EFCAB6: variants seen among roughly 807,000 people sequenced by gnomAD.
EFCAB6 encodes the protein EF-hand calcium binding domain 6, also known as EF-hand calcium-binding domain-containing protein 6.
A neutral mutation model predicts 169.8 loss-of-function variants in EFCAB6; 156 were observed. The observed-to-expected ratio is 0.92, with a 90% CI of 0.81 to 1.05. The LOEUF is 1.05. EFCAB6 is among the 50% of genes least tolerant of loss of function. EFCAB6 has a pLI of 0.00. For synonymous variants in EFCAB6, 698 were observed against 676.4 expected, an observed-to-expected ratio of 1.03 and a Z score of -0.50; for missense variants, 1,800 against 1,829.1, an observed-to-expected ratio of 0.98 and a Z score of 0.29.
chr22:43,732,280 G>A (rs2059981304), intron 7 of EFCAB6, among the ~76,000 whole-genome samples: 1 of 152,154 alleles, frequency 6.6e-6, no homozygotes, highest in Admixed American at 6.5e-5. Context: ...CAGCAGAGAT[G>A]ATCTCGACTG....
At chr22:43,762,505 C>T (rs1286347382) in intron 5 of EFCAB6, among the ~76,000 whole-genome samples, 5 of 152,236 alleles carry the variant, frequency 3.3e-5, no homozygotes, top group South Asian at 2.1e-4. Context: ...TTAAAATGTA[C>T]GTACATATTT....
At position 43,638,646 on chromosome 22, in the gene EFCAB6, T is replaced by C. The variant is rs141018506; in HGVS notation, c.1984-3430A>G. ...GTGTGTGACACTTGTTTGCTATGTC[T>C]CTTTGCAGCACTTTTTTGGTGGTTT... On this transcript the variant is annotated intron_variant, in intron 17 of 31. Coordinates refer to ENST00000262726, the MANE Select transcript of EFCAB6 (RefSeq NM_022785.4). Among the ~76,000 whole-genome samples the C allele has an allele frequency of 3.2e-3, 494 of 152,334 alleles. 1 individual carries two copies. The highest frequency in any genetic ancestry group is 0.011 in the African/African-American group (475 of 41,584).
At chr22:43,574,410 G>T (rs1168744359) in intron 26 of EFCAB6, among the ~76,000 whole-genome samples, 1 of 152,082 alleles carries the variant, frequency 6.6e-6, no homozygotes, top group Non-Finnish European at 1.5e-5. Flanking sequence ...AGCTCAGGTG[G>T]CTACATGACT....
chr22:43,596,888 G>A (rs892487251), intron 23 of EFCAB6, among the ~76,000 whole-genome samples: 1 of 152,118 alleles, frequency 6.6e-6, no homozygotes, highest in African/African-American at 2.4e-5. Context: ...GCATTGTACT[G>A]GCATAAAAGC....
intron 7 of EFCAB6, among the ~76,000 whole-genome samples, chr22:43,734,995 G>A (rs1004398905): frequency 2.0e-5 from 3 of 152,162 alleles, no homozygotes; most frequent in East Asian, 1.9e-4. Flanking sequence ...AATGAGGCTT[G>A]GTGCTTTTGT....
intron 18 of EFCAB6, among the ~76,000 whole-genome samples, chr22:43,634,466 C>T (rs574730703): frequency 6.6e-6 from 1 of 152,290 alleles, no homozygotes; most frequent in South Asian, 2.1e-4. Flanking sequence ...ATGCACAGGG[C>T]TCCTGCATTC....
chr22:43,596,639 T>C (rs1045112459), intron 23 of EFCAB6, among the ~76,000 whole-genome samples: 2 of 152,212 alleles, frequency 1.3e-5, no homozygotes, highest in South Asian at 2.1e-4. Flanking sequence ...TGCTCATGGA[T>C]TGAAAGAATT....
At chr22:43,548,027 C>T (rs1386556209) in intron 27 of EFCAB6, among the ~76,000 whole-genome samples, 1 of 150,678 alleles carries the variant, frequency 6.6e-6, no homozygotes, top group African/African-American at 2.4e-5. Flanking sequence ...ACCCAGGAGG[C>T]GGAACTTTCA....
chr22:43,529,076 CA>C, intron 31 of EFCAB6, 101 bp from the exon 32 acceptor site: 1 of 1,326,364 alleles, frequency 7.5e-7, no homozygotes, highest in Non-Finnish European at 1.0e-6. Context: ...ACCTGATCCC[CA>C]ACCCCACTTC....
intron 6 of EFCAB6, among the ~76,000 whole-genome samples, chr22:43,754,438 C>T (rs1464130690): frequency 6.6e-6 from 1 of 152,182 alleles, no homozygotes. Flanking sequence ...ATTTGGGCTA[C>T]AGTCTGTGCT....
chr22:43,675,475 A>ATAAT (rs75220495), intron 13 of EFCAB6, among the ~76,000 whole-genome samples: 1 of 140,292 alleles, frequency 7.1e-6, no homozygotes, highest in African/African-American at 2.6e-5. Flanking sequence ...TATATAATAT[A>ATAAT]ATATGTAATA....
intron 6 of EFCAB6, among the ~76,000 whole-genome samples, chr22:43,742,440 A>G (rs2060409510): frequency 6.6e-6 from 1 of 152,178 alleles, no homozygotes; most frequent in Admixed American, 6.5e-5. Context: ...CCTCCACCCT[A>G]TACACCATCC....
intron 5 of EFCAB6, among the ~76,000 whole-genome samples, chr22:43,760,798 G>T (rs1163521411): frequency 6.6e-6 from 1 of 152,034 alleles, no homozygotes; most frequent in East Asian, 1.9e-4. Context: ...AAGTAGCTAG[G>T]ACCACAGGCA....
At chr22:43,724,128 A>G (rs1349983635) in intron 8 of EFCAB6, among the ~76,000 whole-genome samples, 1 of 152,142 alleles carries the variant, frequency 6.6e-6, no homozygotes, top group Non-Finnish European at 1.5e-5. Context: ...AGTGGCCAAA[A>G]GTAACCATGC....
chr22:43,678,157 C>T lies in EFCAB6; in HGVS notation c.1258G>A (p.Asp420Asn), dbSNP rs752435294. 2.2e-5 allele frequency: 34 copies of T among 1,566,950 alleles called. No homozygotes were observed. In the South Asian group the frequency reaches 2.7e-4, roughly 12 times the overall value. Residue 420 changes from aspartate (D) to asparagine (N), a missense_variant, in exon 13 of 32, where the codon GAT becomes AAT. Transcript: ENST00000262726. ...KALLIINTKP[D>N]GPITREEFRY... ...AATTCTTCTCTTGTTATCGGTCCAT[C>T]GGGTTTCTGAGCATCAGAGTGTATA...
intron 26 of EFCAB6, among the ~76,000 whole-genome samples, chr22:43,562,493 A>G (rs1418435722): frequency 3.3e-5 from 5 of 151,250 alleles, no homozygotes; most frequent in Non-Finnish European, 7.4e-5. Context: ...CCCCAACGCC[A>G]CAAGTTCTGG....
chr22:43,546,028 A>G (rs2048034819), intron 27 of EFCAB6, among the ~76,000 whole-genome samples: 1 of 152,244 alleles, frequency 6.6e-6, no homozygotes, highest in Non-Finnish European at 1.5e-5. Flanking sequence ...ATTTGATATT[A>G]GCTAGAGAAT....
chr22:43,573,803 G>A (rs1301215119), intron 26 of EFCAB6, among the ~76,000 whole-genome samples: 1 of 151,452 alleles, frequency 6.6e-6, no homozygotes, highest in East Asian at 1.9e-4. Context: ...GTCCCAAGGG[G>A]TGATTGTAAT....
intron 6 of EFCAB6, among the ~76,000 whole-genome samples, chr22:43,753,919 T>C (rs537566176): frequency 6.6e-6 from 1 of 152,358 alleles, no homozygotes; most frequent in South Asian, 2.1e-4. Context: ...TCCCAAACTG[T>C]AACCATCACC....
Sources: allele counts gnomAD v4.1 joint callset (sites outside exome capture counted in the v4.1 genomes callset), GRCh38; gene constraint gnomAD v4.1.1; transcripts MANE v1.5; gene names NCBI Gene and HGNC (gene_info 2026-07-23, HGNC 2026-07-21).